Variants in VEPH1 observed in about 807,000 individuals in gnomAD.
VEPH1 encodes ventricular zone-expressed PH domain-containing protein homolog 1.
In VEPH1, 80 loss-of-function variants were observed where a neutral mutation model predicts 85.2. That is an observed-to-expected ratio of 0.94 (90% CI 0.78 to 1.13). The LOEUF (loss-of-function observed/expected upper bound fraction) is 1.13, where lower values mean the gene tolerates loss of function less well. VEPH1 is among the 50% of genes most tolerant of loss of function. The pLI, the probability that VEPH1 is intolerant of heterozygous loss-of-function variation, is 0.00. For missense variants in VEPH1, 955 were observed against 980.5 expected (o/e 0.97, Z 0.35); for synonymous variants, 297 against 348.0 (o/e 0.85, Z 1.63).
chr3:157,364,161 A>C, intron 8 of VEPH1, 142 bp downstream of exon 8: 1 of 648,664 alleles, frequency 1.5e-6, no homozygotes, highest in South Asian at 2.1e-5. Flanking sequence ...AGCATTGTGG[A>C]TGATATTTCA....
rs541680873 is a variant in VEPH1 at position 157,267,510 on chromosome 3, C to T, written c.2129-1848G>A. Reference sequence around the variant, plus strand: ...AAATTAAGGCTAAAAACTGGCCAGGCGCAGCAGCTCATGCCTGTAATCCCA... The same window carrying T: ...AAATTAAGGCTAAAAACTGGCCAGGTGCAGCAGCTCATGCCTGTAATCCCA... On this transcript the variant is annotated intron_variant, in intron 12 of 13. Coordinates refer to ENST00000362010, the MANE Select transcript of VEPH1 (RefSeq NM_001167912.2). 4.3e-4 allele frequency among the ~76,000 whole-genome samples: 65 copies of T among 151,994 alleles called. 1 individual carries two copies. The South Asian group carries it at 0.012, about 29-fold the overall frequency.
Position 157,341,227 on chromosome 3 carries a change from G to A in VEPH1, c.1735+22137C>T, listed in dbSNP as rs144505023. On this transcript the variant is annotated intron_variant, in intron 9 of 13. Transcript: ENST00000362010. Reference sequence around the variant, plus strand: ...AGGCTTCAGATGATCAAACTTCTCCGAGCTAAAGGAGGAAGCTCAAACCCA... The same window carrying A: ...AGGCTTCAGATGATCAAACTTCTCCAAGCTAAAGGAGGAAGCTCAAACCCA... 4.6e-5 allele frequency among the ~76,000 whole-genome samples: 7 copies of A among 152,268 alleles called. No individual in the cohort carries two copies. The East Asian group carries it at 9.6e-4, about 21-fold the overall frequency.
At chr3:157,470,234 G>T in intron 3 of VEPH1, 80 bp downstream of exon 3, 2 of 1,296,238 alleles carry the variant, frequency 1.5e-6, no homozygotes, top group Non-Finnish European at 1.1e-6. Flanking sequence ...AGAAGCATTG[G>T]CTCTTGGTTC....
intron 9 of VEPH1, among the ~76,000 whole-genome samples, chr3:157,335,784 C>T (rs1432508789): frequency 3.9e-5 from 6 of 152,130 alleles, no homozygotes; most frequent in Admixed American, 3.9e-4. Flanking sequence ...GTTATTGGCT[C>T]CGAGTTAGTG....
chr3:157,341,316 A>C (rs1723532086), intron 9 of VEPH1, among the ~76,000 whole-genome samples: 1 of 152,248 alleles, frequency 6.6e-6, no homozygotes, highest in Non-Finnish European at 1.5e-5. Flanking sequence ...TAACCAGTGT[A>C]GAGAAGTCCT....
intron 11 of VEPH1, among the ~76,000 whole-genome samples, chr3:157,289,327 TTTGTC>T (rs1423895547): frequency 6.6e-6 from 1 of 152,232 alleles, no homozygotes; most frequent in Non-Finnish European, 1.5e-5. Flanking sequence ...ATAATCCACA[TTTGTC>T]TTGGAAAAAA....
At chr3:157,346,002 G>C (rs1724175435) in intron 9 of VEPH1, among the ~76,000 whole-genome samples, 1 of 151,314 alleles carries the variant, frequency 6.6e-6, no homozygotes. Flanking sequence ...ACACAGGAAG[G>C]GGAACATCAC....
At chr3:157,340,077 C>A (rs532289601) in intron 9 of VEPH1, among the ~76,000 whole-genome samples, 40 of 152,330 alleles carry the variant, frequency 2.6e-4, no homozygotes, top group African/African-American at 8.9e-4. Context: ...CAGCTCCAGT[C>A]TACAGCTCCC....
At chr3:157,353,237 C>T (rs759944009) in intron 9 of VEPH1, among the ~76,000 whole-genome samples, 3 of 151,460 alleles carry the variant, frequency 2.0e-5, no homozygotes, top group Admixed American at 6.6e-5. Flanking sequence ...CCCTCCCTCT[C>T]GCTTTCTTCT....
At chr3:157,459,306 A>T (rs1735630065) in intron 4 of VEPH1, among the ~76,000 whole-genome samples, 1 of 152,192 alleles carries the variant, frequency 6.6e-6, no homozygotes, top group Non-Finnish European at 1.5e-5. Context: ...CATGGACAAA[A>T]TAGCAGTATG....
Position 157,381,282 on chromosome 3 carries a change from A to T in VEPH1, c.1001T>A (p.Ile334Asn), listed in dbSNP as rs759276325. 7.4e-6 allele frequency: 12 copies of T among 1,614,188 alleles called. No homozygotes were observed. The South Asian group carries it at 1.3e-4, about 18-fold the overall frequency. Residue 334 changes from isoleucine to asparagine, a missense_variant, in exon 7 of 14, where the codon ATC (isoleucine) becomes AAC (asparagine). Coordinates refer to ENST00000362010, the MANE Select transcript of VEPH1 (RefSeq NM_001167912.2). ...CAAGATTGAGGAGAAGGTGTCGGTG[A>T]TGCTTTTAATCTCCAGCAGGAGAAT... is the stretch of plus-strand genomic sequence containing the variant. ...HHILLLEIKS[I>N]TDTFSSILGP...
chr3:157,286,310 G>C, intron 12 of VEPH1: 1 of 450,538 alleles, frequency 2.2e-6, no homozygotes, highest in Non-Finnish European at 4.1e-6. Flanking sequence ...GGGCAAAATG[G>C]CTGATACTGC....
intron 5 of VEPH1, among the ~76,000 whole-genome samples, chr3:157,420,172 C>A (rs2109069279): frequency 6.6e-6 from 1 of 151,468 alleles, no homozygotes; most frequent in Non-Finnish European, 1.5e-5. Flanking sequence ...CACACTGGGA[C>A]CTGTTGGGGG....
chr3:157,302,757 A>G (rs1026095830), intron 11 of VEPH1, among the ~76,000 whole-genome samples: 1 of 152,066 alleles, frequency 6.6e-6, no homozygotes, highest in African/African-American at 2.4e-5. Flanking sequence ...ACCACAAAAA[A>G]ATCTAAGCTT....
At chr3:157,342,598 G>T (rs1416568781) in intron 9 of VEPH1, among the ~76,000 whole-genome samples, 1 of 152,166 alleles carries the variant, frequency 6.6e-6, no homozygotes, top group Non-Finnish European at 1.5e-5. Context: ...ACACTCCACT[G>T]TCAACATTAG....
intron 9 of VEPH1, among the ~76,000 whole-genome samples, chr3:157,320,970 T>G (rs1721282947): frequency 6.6e-6 from 1 of 152,128 alleles, no homozygotes; most frequent in Non-Finnish European, 1.5e-5. Context: ...CTTGGGAGAC[T>G]AGACACTTAT....
At chr3:157,413,742 A>C (rs1296426221) in intron 6 of VEPH1, 139 bp downstream of exon 6, 2 of 1,388,678 alleles carry the variant, frequency 1.4e-6, no homozygotes, top group African/African-American at 1.4e-5. Context: ...TCCCAGGACA[A>C]ATTTGTATGT....
intron 4 of VEPH1, among the ~76,000 whole-genome samples, chr3:157,446,591 A>C (rs1734572511): frequency 6.6e-6 from 1 of 152,316 alleles, no homozygotes; most frequent in Non-Finnish European, 1.5e-5. Flanking sequence ...ATTGATTTTT[A>C]TTTCATTTCC....
chr3:157,498,835 C>T (rs1000389921), intron 1 of VEPH1, among the ~76,000 whole-genome samples: 5 of 152,236 alleles, frequency 3.3e-5, no homozygotes, highest in African/African-American at 1.2e-4. Context: ...ACTCCCTACC[C>T]TTATGAATGT....
Sources: allele counts gnomAD v4.1 joint callset (sites outside exome capture counted in the v4.1 genomes callset), GRCh38; gene constraint gnomAD v4.1.1; transcripts MANE v1.5; gene names NCBI Gene and HGNC (gene_info 2026-07-23, HGNC 2026-07-21).